Variants in MAPK4 observed in about 807,000 individuals in gnomAD.
MAPK4 encodes the protein mitogen-activated protein kinase 4.
MAPK4 carries 22 observed loss-of-function variants against 47.7 expected under a neutral mutation model. The ratio of observed to expected loss-of-function variants is 0.46; its 90% CI spans 0.33 to 0.66. The LOEUF is 0.66. Among genes scored for constraint, MAPK4 ranks in the 30% least tolerant of loss-of-function variants. MAPK4 has a pLI of 0.02. For missense variants in MAPK4, 736 were observed against 831.7 expected, an observed-to-expected ratio of 0.88 and a Z score of 1.42; for synonymous variants, 390 against 365.7, an observed-to-expected ratio of 1.07 and a Z score of -0.76.
At chr18:50,701,290 A>G (rs1394047496) in intron 2 of MAPK4, among the ~76,000 whole-genome samples, 1 of 151,236 alleles carries the variant, frequency 6.6e-6, no homozygotes, top group Non-Finnish European at 1.5e-5. Context: ...TCCTTTGCAC[A>G]ACCCTGACCA....
intron 1 of MAPK4, among the ~76,000 whole-genome samples, chr18:50,636,638 A>T (rs1380855163): frequency 6.6e-6 from 1 of 152,140 alleles, no homozygotes; most frequent in African/African-American, 2.4e-5. Flanking sequence ...CCTCCTGAAG[A>T]TCTATTAATA....
intron 1 of MAPK4, among the ~76,000 whole-genome samples, chr18:50,602,135 G>T (rs1368701236): frequency 6.6e-6 from 1 of 152,162 alleles, no homozygotes; most frequent in Admixed American, 6.5e-5. Context: ...ATAGAAATAT[G>T]ATTCCATAGA....
rs1355586881 is a variant in MAPK4 at position 50,729,188 on chromosome 18, G to A, written c.1098G>A (p.Glu366=). ...RYPVSLSSDL[E]WRPDRCQDAS... is the part of the protein sequence containing the mutation. ...CTGTGAGCCTGTCGTCGGACCTGGA[G>A]TGGCGGCCTGACCGGTGCCAGGACG... The change falls in exon 6 of 6, where the codon GAG becomes GAA. Residue 366 remains glutamate, a synonymous_variant. Transcript: ENST00000400384. 1.3e-6 allele frequency: 2 copies of A among 1,590,854 alleles called. No homozygotes were observed. Among genetic ancestry groups the A allele is most frequent in the South Asian group, 2.2e-5 (2 of 89,892 alleles).
chr18:50,653,979 G>A (rs1253019894), intron 1 of MAPK4, among the ~76,000 whole-genome samples: 1 of 152,220 alleles, frequency 6.6e-6, no homozygotes, highest in Non-Finnish European at 1.5e-5. Flanking sequence ...TCTCAGGAGT[G>A]CTGTTTTAGA....
intron 1 of MAPK4, among the ~76,000 whole-genome samples, chr18:50,640,632 A>T (rs2042932694): frequency 1.3e-5 from 2 of 151,908 alleles, no homozygotes; most frequent in Non-Finnish European, 2.9e-5. Flanking sequence ...CGTCTGGCTA[A>T]TTTTTGTATT....
At position 50,560,610 on chromosome 18, in the gene MAPK4, G is replaced by C. The variant is rs531678683; in HGVS notation, c.-871+367G>C. 4 of 152,620 alleles carry C rather than the reference G, an allele frequency of 2.6e-5. No individual in the cohort carries two copies. In the East Asian group the frequency reaches 7.7e-4, roughly 30 times the overall value. 9.5% of individuals were successfully genotyped at this position (152,620 alleles called of 1,614,324 possible). On this transcript the variant is annotated intron_variant, in intron 1 of 5. Coordinates refer to ENST00000400384, the MANE Select transcript of MAPK4 (RefSeq NM_002747.4). ...CCCACCCCCGGGGACAGTCCGGAGC[G>C]CTTGGGGTCGCCGAGGGGCAGTTCA...
intron 1 of MAPK4, among the ~76,000 whole-genome samples, chr18:50,614,979 C>T (rs1205636431): frequency 1.3e-5 from 2 of 152,196 alleles, no homozygotes; most frequent in Non-Finnish European, 2.9e-5. Flanking sequence ...CTGCGTCTGT[C>T]TCTGATGTTG....
intron 1 of MAPK4, among the ~76,000 whole-genome samples, chr18:50,606,809 C>T (rs2149375146): frequency 6.6e-6 from 1 of 152,290 alleles, no homozygotes; most frequent in South Asian, 2.1e-4. Flanking sequence ...GAAAAACAGG[C>T]AGCTGTCCAA....
intron 2 of MAPK4, among the ~76,000 whole-genome samples, chr18:50,679,824 G>A (rs557513374): frequency 1.3e-5 from 2 of 152,258 alleles, no homozygotes; most frequent in Admixed American, 1.3e-4. Context: ...CAGAGATGGG[G>A]CCAGGACAGG....
At chr18:50,599,625 C>A (rs2042517387) in intron 1 of MAPK4, among the ~76,000 whole-genome samples, 2 of 152,008 alleles carry the variant, frequency 1.3e-5, no homozygotes, top group Admixed American at 1.3e-4. Context: ...TGCCATGTTG[C>A]CCAGGCTGGT....
At chr18:50,706,567 C>G (rs190974302) in intron 2 of MAPK4, among the ~76,000 whole-genome samples, 81 of 152,152 alleles carry the variant, frequency 5.3e-4, no homozygotes, top group African/African-American at 1.9e-3. Flanking sequence ...TGACAGATGT[C>G]TATTTGTGGC....
At chr18:50,630,681 CT>C (rs2042821276) in intron 1 of MAPK4, among the ~76,000 whole-genome samples, 1 of 152,242 alleles carries the variant, frequency 6.6e-6, no homozygotes, top group African/African-American at 2.4e-5. Context: ...CTGGCAGGTG[CT>C]TAGTGGTCTG....
chr18:50,624,952 T>C (rs1156711551), intron 1 of MAPK4, among the ~76,000 whole-genome samples: 1 of 152,084 alleles, frequency 6.6e-6, no homozygotes, highest in Non-Finnish European at 1.5e-5. Flanking sequence ...CTAAGCTTTG[T>C]CAAAACACAG....
chr18:50,667,749 ACAC>A (rs957899580), intron 2 of MAPK4, among the ~76,000 whole-genome samples: 1 of 152,160 alleles, frequency 6.6e-6, no homozygotes, highest in African/African-American at 2.4e-5. Flanking sequence ...CTCTGCTCTC[ACAC>A]CACAACAACA....
At chr18:50,685,958 CG>C (rs891602845) in intron 2 of MAPK4, among the ~76,000 whole-genome samples, 1 of 151,856 alleles carries the variant, frequency 6.6e-6, no homozygotes. Context: ...CAGAGCACCA[CG>C]GTTCTCAGAC....
chr18:50,567,727 A>G (rs72915901), intron 1 of MAPK4, among the ~76,000 whole-genome samples: 9,077 of 116,966 alleles, frequency 0.078, 353 homozygotes, highest in Non-Finnish European at 0.1. Flanking sequence ...TTTTTATAGG[A>G]CTTTGTGTGT....
chr18:50,628,616 G>A (rs767077029), intron 1 of MAPK4, among the ~76,000 whole-genome samples: 1 of 152,206 alleles, frequency 6.6e-6, no homozygotes, highest in African/African-American at 2.4e-5. Flanking sequence ...TTTCAGAGGA[G>A]GGAAGCAAGG....
chr18:50,679,734 G>A (rs571447081), intron 2 of MAPK4, among the ~76,000 whole-genome samples: 2 of 152,324 alleles, frequency 1.3e-5, no homozygotes, highest in East Asian at 1.9e-4. Context: ...ATGGCATGGA[G>A]GCGCTCGGGC....
chr18:50,586,505 A>G (rs940716808), intron 1 of MAPK4, among the ~76,000 whole-genome samples: 6 of 151,978 alleles, frequency 3.9e-5, no homozygotes, highest in African/African-American at 1.4e-4. Flanking sequence ...AATTCCAGCC[A>G]TGCATTTATT....
Sources: gnomAD v4.1 joint callset for allele counts (sites outside exome capture counted in the v4.1 genomes callset) on GRCh38, gnomAD v4.1.1 for gene constraint, MANE v1.5 for transcripts, NCBI Gene and HGNC (gene_info 2026-07-23, HGNC 2026-07-21) for gene names.